The following CSMD1 variants were observed in gnomAD, a reference collection of about 807,000 sequenced individuals.
The protein encoded by CSMD1 is CUB and Sushi multiple domains 1.
In CSMD1, 213 loss-of-function variants were observed where a neutral mutation model predicts 417.5. The ratio of observed to expected loss-of-function variants is 0.51; its 90% CI spans 0.46 to 0.57. The LOEUF is 0.57. CSMD1 is among the 20% of genes least tolerant of loss of function. The probability of loss-of-function intolerance (pLI) is 0.00; values close to 1 mark genes in which losing one functional copy is unlikely to be tolerated. For missense variants in CSMD1, 6,923 were observed against 4,529.7 expected (o/e 1.53, Z -15.17); for synonymous variants, 2,862 against 1,736.8 (o/e 1.65, Z -16.11).
At chr8:4,008,524 G>A (rs750565135) in intron 4 of CSMD1, among the ~76,000 whole-genome samples, 1 of 143,720 alleles carries the variant, frequency 7.0e-6, no homozygotes, top group African/African-American at 2.6e-5. Context: ...TGAAGTTATT[G>A]TTGAAAGTTA....
In CSMD1 at chr8:4,062,744, A is replaced by C. The variant is rs184620317; in HGVS notation, c.416-30645T>G. ...CAGCATTATCAAATTCAAAAAAAAA[A>C]AAAGGCAGGTTCTGCATGCTCAGTA... is the stretch of plus-strand genomic sequence containing the variant. On this transcript the variant is annotated intron_variant, in intron 3 of 69. Transcript: ENST00000635120. Among the ~76,000 whole-genome samples, 34 of 152,208 alleles carry C rather than the reference A, an allele frequency of 2.2e-4. 2 individuals are homozygous for C. The highest frequency in any genetic ancestry group is 2.1e-3 in the Admixed American group (32 of 15,274).
intron 11 of CSMD1, among the ~76,000 whole-genome samples, chr8:3,479,715 A>G (rs1817627390): frequency 6.6e-6 from 1 of 152,220 alleles, no homozygotes; most frequent in Non-Finnish European, 1.5e-5. Flanking sequence ...CTGGGACACA[A>G]TCATCACACC....
chr8:3,295,359 C>T (rs1052767437), intron 25 of CSMD1, among the ~76,000 whole-genome samples: 5 of 152,054 alleles, frequency 3.3e-5, no homozygotes, highest in Admixed American at 6.6e-5. Context: ...ATCTCCTGAC[C>T]TTGTGATCCA....
At chr8:3,374,901 T>C (rs988371298) in intron 18 of CSMD1, among the ~76,000 whole-genome samples, 3 of 152,204 alleles carry the variant, frequency 2.0e-5, no homozygotes, top group Non-Finnish European at 4.4e-5. Context: ...GAGTCAGTTA[T>C]TGTTGCCTGG....
At chr8:4,799,035 G>A (rs1416653144) in intron 1 of CSMD1, among the ~76,000 whole-genome samples, 1 of 152,158 alleles carries the variant, frequency 6.6e-6, no homozygotes, top group African/African-American at 2.4e-5. Context: ...GTTTCCAGCA[G>A]GAGCGTGGGC....
chr8:4,439,658 G>C (rs746399300), intron 2 of CSMD1, among the ~76,000 whole-genome samples: 3 of 152,158 alleles, frequency 2.0e-5, no homozygotes, highest in Non-Finnish European at 4.4e-5. Context: ...AAGTTGGTAG[G>C]AGTGCGTACT....
intron 5 of CSMD1, among the ~76,000 whole-genome samples, chr8:3,914,455 A>C (rs2129140849): frequency 6.6e-6 from 1 of 152,238 alleles, no homozygotes; most frequent in South Asian, 2.1e-4. Context: ...TCTAACGCTA[A>C]TTATTATTAT....
At chr8:4,753,356 G>C (rs906262220) in intron 1 of CSMD1, among the ~76,000 whole-genome samples, 24 of 150,574 alleles carry the variant, frequency 1.6e-4, no homozygotes, top group African/African-American at 5.6e-4. Context: ...TCATTTTGTC[G>C]ATATTGTAAG....
At chr8:4,131,710 A>C (rs546576534) in intron 3 of CSMD1, among the ~76,000 whole-genome samples, 43 of 151,888 alleles carry the variant, frequency 2.8e-4, no homozygotes, top group Non-Finnish European at 6.0e-4. Flanking sequence ...ATATACTATC[A>C]GAACAATGCA....
At chr8:3,815,879 G>T (rs1323947311) in intron 5 of CSMD1, among the ~76,000 whole-genome samples, 6 of 152,060 alleles carry the variant, frequency 3.9e-5, no homozygotes, top group African/African-American at 1.4e-4. Flanking sequence ...CTCCAGACTT[G>T]TTACACTAAA....
intron 12 of CSMD1, among the ~76,000 whole-genome samples, chr8:3,418,301 G>A (rs73657882): frequency 0.019 from 2,843 of 152,118 alleles, 54 homozygotes; most frequent in East Asian, 0.096. Flanking sequence ...AGCTCATCTC[G>A]CTTGTCTCAT....
intron 2 of CSMD1, among the ~76,000 whole-genome samples, chr8:4,623,366 A>C (rs2130820707): frequency 6.6e-6 from 1 of 152,320 alleles, no homozygotes; most frequent in African/African-American, 2.4e-5. Context: ...ACAACAACTA[A>C]AATTCATCCC....
chr8:4,606,139 T>G (rs1217101288), intron 2 of CSMD1, among the ~76,000 whole-genome samples: 1 of 152,144 alleles, frequency 6.6e-6, no homozygotes. Context: ...TAATTCACAC[T>G]AATACTGAGC....
chr8:4,952,032 A>G (rs1243869834), intron 1 of CSMD1, among the ~76,000 whole-genome samples: 1 of 151,326 alleles, frequency 6.6e-6, no homozygotes. Flanking sequence ...AGAAATACAT[A>G]TATATACACA....
intron 6 of CSMD1, among the ~76,000 whole-genome samples, chr8:3,725,758 G>A (rs1254321008): frequency 6.6e-6 from 1 of 152,142 alleles, no homozygotes; most frequent in Non-Finnish European, 1.5e-5. Context: ...TGAGGGCAGA[G>A]TGGAAGGACT....
intron 3 of CSMD1, among the ~76,000 whole-genome samples, chr8:4,404,648 AT>A (rs1259529694): frequency 6.6e-6 from 1 of 152,094 alleles, no homozygotes; most frequent in Non-Finnish European, 1.5e-5. Context: ...TTTATATTAA[AT>A]CCATTAATAT....
chr8:4,655,632 A>T (rs1804185351), intron 1 of CSMD1, among the ~76,000 whole-genome samples: 1 of 152,158 alleles, frequency 6.6e-6, no homozygotes, highest in Admixed American at 6.5e-5. Flanking sequence ...ATAGAAGAAC[A>T]TAGCATGTAA....
At chr8:3,822,648 C>A (rs527708736) in intron 5 of CSMD1, among the ~76,000 whole-genome samples, 1 of 152,122 alleles carries the variant, frequency 6.6e-6, no homozygotes, top group Non-Finnish European at 1.5e-5. Flanking sequence ...TATTACATTC[C>A]GTCTTCATTT....
chr8:3,356,025 C>A (rs1393889725), intron 21 of CSMD1, among the ~76,000 whole-genome samples: 3 of 152,112 alleles, frequency 2.0e-5, no homozygotes, highest in Non-Finnish European at 1.5e-5. Context: ...CCATCTCTTT[C>A]ATTTCAAAGT....
Sources: allele counts gnomAD v4.1 joint callset (sites outside exome capture counted in the v4.1 genomes callset), GRCh38; gene constraint gnomAD v4.1.1; transcripts MANE v1.5; gene names NCBI Gene and HGNC (gene_info 2026-07-23, HGNC 2026-07-21).